The following MPP7 variants were observed in gnomAD, a reference collection of about 807,000 sequenced individuals.
MPP7 encodes the protein MAGUK p55 subfamily member 7.
MPP7 carries 60 observed loss-of-function variants against 76.5 expected under a neutral mutation model. The ratio of observed to expected loss-of-function variants is 0.78; its 90% confidence interval spans 0.64 to 0.97. MPP7 has a LOEUF of 0.97. Ranked by LOEUF, MPP7 falls within the 50% of genes least tolerant of loss-of-function variation. The probability of loss-of-function intolerance (pLI) is 0.00; values close to 1 mark genes in which losing one functional copy is unlikely to be tolerated. For missense variants in MPP7, 641 were observed against 694.0 expected, an observed-to-expected ratio of 0.92 and a Z score of 0.86; for synonymous variants, 237 against 244.5, an observed-to-expected ratio of 0.97 and a Z score of 0.29.
chr10:28,121,333 T>C (rs1040307253), intron 8 of MPP7, among the ~76,000 whole-genome samples: 1 of 151,196 alleles, frequency 6.6e-6, no homozygotes, highest in Non-Finnish European at 1.5e-5. Flanking sequence ...TCAGCATCCA[T>C]GTTTTGGGGG....
chr10:28,198,524 A>G (rs1837661830), intron 3 of MPP7, among the ~76,000 whole-genome samples: 2 of 151,658 alleles, frequency 1.3e-5, no homozygotes, highest in Admixed American at 1.3e-4. Flanking sequence ...GCAGTGGGCC[A>G]AGATTGCACC....
In MPP7 at chr10:28,089,472, C is replaced by T. The variant is rs1393817318; in HGVS notation, c.1123+199G>A. 4.6e-5 allele frequency among the ~76,000 whole-genome samples: 7 copies of T among 152,262 alleles called. No individual in the cohort carries two copies. In the South Asian group the frequency reaches 6.2e-4, roughly 14 times the overall value. On this transcript the variant is annotated intron_variant, in intron 12 of 16. Coordinates refer to ENST00000683449, the MANE Select transcript of MPP7 (RefSeq NM_001318170.2). ...AAAGGTTCCACTAAAACGACAGTAC[C>T]GTTCTTCAGAAATGTCTTAAAAGTC...
At chr10:28,200,151 C>T (rs1009709251) in intron 3 of MPP7, among the ~76,000 whole-genome samples, 2 of 152,146 alleles carry the variant, frequency 1.3e-5, no homozygotes, top group East Asian at 1.9e-4. Context: ...TACAGTTAAG[C>T]GGTTTGTTCC....
At chr10:28,262,220 T>TATAC (rs1839990474) in intron 1 of MPP7, among the ~76,000 whole-genome samples, 1 of 49,546 alleles carries the variant, frequency 2.0e-5, no homozygotes, top group Admixed American at 2.5e-4. Context: ...TATATATATA[T>TATAC]ATATACATAT....
intron 3 of MPP7, among the ~76,000 whole-genome samples, chr10:28,165,444 T>TA (rs1836416973): frequency 6.6e-6 from 1 of 151,492 alleles, no homozygotes; most frequent in Non-Finnish European, 1.5e-5. Context: ...GAGGATTGCT[T>TA]AAGCCCAGGA....
rs114183746 is a variant in MPP7, at chr10:28,102,172, G to A, written c.953-12331C>T. 3.4e-3 allele frequency among the ~76,000 whole-genome samples: 514 copies of A among 152,176 alleles called. 1 individual carries two copies. Among genetic ancestry groups the A allele is most frequent in the African/African-American group, 0.012 (487 of 41,522 alleles). Reference sequence around the variant, plus strand: ...CAATTTAATTTATTTTTAAGAGATAGGGTTTTGCTCTGTCACCCAGGCTGG... The same window carrying A: ...CAATTTAATTTATTTTTAAGAGATAAGGTTTTGCTCTGTCACCCAGGCTGG... On this transcript the variant is annotated intron_variant, in intron 11 of 16. Transcript: ENST00000683449.
chr10:28,063,461 C>CA (rs760077416), intron 13 of MPP7, among the ~76,000 whole-genome samples: 2,504 of 109,538 alleles, frequency 0.023, 55 homozygotes, highest in East Asian at 0.14. Context: ...GACTCTGTCT[C>CA]AAAAAAAAAA....
intron 13 of MPP7, among the ~76,000 whole-genome samples, chr10:28,063,677 G>A (rs116834153): frequency 4.6e-5 from 7 of 152,162 alleles, no homozygotes; most frequent in African/African-American, 1.7e-4. Flanking sequence ...TGGACTGCAC[G>A]TGTGAGAGAC....
intron 5 of MPP7, among the ~76,000 whole-genome samples, chr10:28,141,641 C>T (rs1218123018): frequency 1.3e-5 from 2 of 151,990 alleles, no homozygotes; most frequent in Non-Finnish European, 1.5e-5. Context: ...CCGGCACACA[C>T]GCGTACACAT....
At chr10:28,086,683 G>T (rs1248055123) in intron 12 of MPP7, among the ~76,000 whole-genome samples, 1 of 152,158 alleles carries the variant, frequency 6.6e-6, no homozygotes, top group Admixed American at 6.6e-5. Flanking sequence ...CTGACCAGTA[G>T]GGCTGGGGTT....
intron 6 of MPP7, among the ~76,000 whole-genome samples, chr10:28,126,326 T>A (rs976395002): frequency 6.6e-6 from 1 of 152,230 alleles, no homozygotes; most frequent in African/African-American, 2.4e-5. Flanking sequence ...ACTGGAAATG[T>A]AATATTCTCA....
intron 3 of MPP7, among the ~76,000 whole-genome samples, chr10:28,167,613 T>C (rs1836528413): frequency 6.6e-6 from 1 of 152,108 alleles, no homozygotes; most frequent in Non-Finnish European, 1.5e-5. Context: ...TACCTACTGA[T>C]CTAAAATTTA....
intron 2 of MPP7, among the ~76,000 whole-genome samples, chr10:28,215,703 T>TA (rs1383985666): frequency 6.6e-6 from 1 of 152,160 alleles, no homozygotes; most frequent in African/African-American, 2.4e-5. Context: ...CAACTGGGCA[T>TA]ATTGGTAAAC....
chr10:28,086,372 C>T (rs1038264112), intron 12 of MPP7, among the ~76,000 whole-genome samples: 2 of 152,130 alleles, frequency 1.3e-5, no homozygotes, highest in African/African-American at 4.8e-5. Flanking sequence ...ACAGAGTCCA[C>T]ATTCAATTCA....
At chr10:28,266,463 T>C (rs1342391584) in intron 1 of MPP7, among the ~76,000 whole-genome samples, 1 of 152,112 alleles carries the variant, frequency 6.6e-6, no homozygotes, top group Non-Finnish European at 1.5e-5. Context: ...TAGAAAAAGT[T>C]AACATATGAG....
At chr10:28,108,660 T>TAATAA (rs3063306) in intron 11 of MPP7, among the ~76,000 whole-genome samples, 59 of 150,684 alleles carry the variant, frequency 3.9e-4, no homozygotes, top group East Asian at 3.5e-3. Context: ...CTGTCTCAAA[T>TAATAA]AATAAAATAA....
chr10:28,108,323 T>C (rs959617551), intron 11 of MPP7, among the ~76,000 whole-genome samples: 6 of 152,166 alleles, frequency 3.9e-5, no homozygotes, highest in Admixed American at 2.0e-4. Context: ...TACATAATTA[T>C]TAATCTTAAA....
chr10:28,136,057 T>C lies in MPP7; in HGVS notation c.316-4366A>G, dbSNP rs1468411775. 3.3e-5 allele frequency among the ~76,000 whole-genome samples: 5 copies of C among 151,906 alleles called. No homozygotes were observed. In the South Asian group the frequency reaches 1.0e-3, roughly 32 times the overall value. On this transcript the variant is annotated intron_variant, in intron 5 of 16. Coordinates refer to ENST00000683449, the MANE Select transcript of MPP7 (RefSeq NM_001318170.2). Reference sequence around the variant, plus strand: ...TAGATTCTCATAGGAGCGTGAACCCTATTGTGAACTGAGTATGCGAGGATC... The same window carrying C: ...TAGATTCTCATAGGAGCGTGAACCCCATTGTGAACTGAGTATGCGAGGATC...
At chr10:28,196,150 C>T (rs1276665669) in intron 3 of MPP7, among the ~76,000 whole-genome samples, 2 of 152,192 alleles carry the variant, frequency 1.3e-5, no homozygotes, top group African/African-American at 4.8e-5. Flanking sequence ...CAAATCTATT[C>T]TGTCCAATCC....
Sources: gnomAD v4.1 joint callset for allele counts (sites outside exome capture counted in the v4.1 genomes callset) on GRCh38, gnomAD v4.1.1 for gene constraint, MANE v1.5 for transcripts, NCBI Gene and HGNC (gene_info 2026-07-23, HGNC 2026-07-21) for gene names.